MFHAS1: variants seen among roughly 807,000 people sequenced by gnomAD.
MFHAS1 encodes multifunctional ROCO family signaling regulator 1, also known as malignant fibrous histiocytoma-amplified sequence 1.
MFHAS1 carries 50 observed loss-of-function variants against 70.4 expected under a neutral mutation model. The ratio of observed to expected loss-of-function variants is 0.71; its 90% CI spans 0.57 to 0.90. The LOEUF (loss-of-function observed/expected upper bound fraction) is 0.90. Ranked by LOEUF, MFHAS1 falls within the 40% of genes least tolerant of loss-of-function variation. The probability of loss-of-function intolerance (pLI) is 0.00; values close to 1 mark genes in which losing one functional copy is unlikely to be tolerated. For missense variants in MFHAS1, 1,795 were observed against 1,347.6 expected, an observed-to-expected ratio of 1.33 and a Z score of -5.20; for synonymous variants, 952 against 620.0, an observed-to-expected ratio of 1.54 and a Z score of -7.96.
At chr8:8,800,281 G>C (rs1806043703) in intron 1 of MFHAS1, among the ~76,000 whole-genome samples, 1 of 152,218 alleles carries the variant, frequency 6.6e-6, no homozygotes, top group Non-Finnish European at 1.5e-5. Context: ...AGCATCATTA[G>C]CTTGTAGCAT....
At chr8:8,786,346 T>G (rs1223063318) in intron 2 of MFHAS1, among the ~76,000 whole-genome samples, 1 of 152,204 alleles carries the variant, frequency 6.6e-6, no homozygotes, top group African/African-American at 2.4e-5. Flanking sequence ...ACTGTAATTT[T>G]ATAGCTTAAC....
At chr8:8,862,525 A>C (rs552787039) in intron 1 of MFHAS1, among the ~76,000 whole-genome samples, 2 of 152,114 alleles carry the variant, frequency 1.3e-5, no homozygotes, top group Non-Finnish European at 2.9e-5. Flanking sequence ...TAAACTAAAA[A>C]ATTATTTAGT....
chr8:8,857,955 C>A (rs1808506570), intron 1 of MFHAS1, among the ~76,000 whole-genome samples: 1 of 152,120 alleles, frequency 6.6e-6, no homozygotes, highest in Admixed American at 6.6e-5. Context: ...TTTGGGGAAA[C>A]CTTTTTCTAA....
rs918086514 is a variant in MFHAS1, at chr8:8,890,069, G to C, written c.2990C>G (p.Ala997Gly). The stretch of plus-strand genomic sequence containing the variant: ...TCCCTCTCTCCACTTACCTGGAAAA[G>C]CATGTGGATTGGGCGATCCTCTCTT... Reference protein sequence around the residue: ...CLKRGSPNPHAFPGELLSQPR... With the variant: ...CLKRGSPNPHGFPGELLSQPR... The change falls in exon 1 of 3, where the codon GCT becomes GGT. Residue 997 changes from alanine (A) to glycine (G), a missense_variant. Ala to Gly is a moderately conservative substitution (Grantham distance 60). Coordinates refer to ENST00000276282, the MANE Select transcript of MFHAS1 (RefSeq NM_004225.3). 3.8e-6 allele frequency: 6 copies of C among 1,594,010 alleles called. No homozygotes were observed. The highest frequency in any genetic ancestry group is 5.1e-6 in the Non-Finnish European group (6 of 1,166,862).
At chr8:8,842,396 G>A (rs1356439751) in intron 1 of MFHAS1, among the ~76,000 whole-genome samples, 1 of 152,072 alleles carries the variant, frequency 6.6e-6, no homozygotes, top group Non-Finnish European at 1.5e-5. Context: ...ACGTTCACCA[G>A]GCTGATCTCG....
At chr8:8,862,296 T>C (rs1278638719) in intron 1 of MFHAS1, among the ~76,000 whole-genome samples, 1 of 152,174 alleles carries the variant, frequency 6.6e-6, no homozygotes, top group Admixed American at 6.5e-5. Context: ...GTTGACATCT[T>C]ATACTTACCT....
At chr8:8,807,036 G>T (rs554932777) in intron 1 of MFHAS1, among the ~76,000 whole-genome samples, 2 of 152,034 alleles carry the variant, frequency 1.3e-5, no homozygotes, top group Non-Finnish European at 2.9e-5. Flanking sequence ...TATGATGTTG[G>T]GGGTATAGAA....
chr8:8,815,861 TGAA>T (rs1330603034), intron 1 of MFHAS1, among the ~76,000 whole-genome samples: 3 of 152,178 alleles, frequency 2.0e-5, no homozygotes, highest in Non-Finnish European at 4.4e-5. Flanking sequence ...CAGCTTCATC[TGAA>T]GTAGTCAAAA....
chr8:8,823,132 T>C (rs1807029097), intron 1 of MFHAS1, among the ~76,000 whole-genome samples: 1 of 152,192 alleles, frequency 6.6e-6, no homozygotes. Context: ...ATCCTGACTT[T>C]CCTTTCAAAT....
chr8:8,848,517 G>C (rs978633533), intron 1 of MFHAS1, among the ~76,000 whole-genome samples: 4 of 152,178 alleles, frequency 2.6e-5, no homozygotes, highest in African/African-American at 9.7e-5. Context: ...AACGGCTCAG[G>C]CAGAACTCAA....
intron 1 of MFHAS1, among the ~76,000 whole-genome samples, chr8:8,803,574 T>C (rs1186407175): frequency 1.4e-5 from 2 of 143,576 alleles, no homozygotes; most frequent in African/African-American, 2.5e-5. Flanking sequence ...TGAACATGTA[T>C]AGACCTTTTT....
intron 1 of MFHAS1, among the ~76,000 whole-genome samples, chr8:8,815,586 G>A (rs1464654794): frequency 6.6e-6 from 1 of 152,126 alleles, no homozygotes; most frequent in Non-Finnish European, 1.5e-5. Context: ...GTATCTCATT[G>A]TGGTTTTGAT....
At chr8:8,823,160 C>A (rs1435080085) in intron 1 of MFHAS1, among the ~76,000 whole-genome samples, 1 of 152,196 alleles carries the variant, frequency 6.6e-6, no homozygotes, top group East Asian at 1.9e-4. Flanking sequence ...AGAGCTCTGA[C>A]TAGAACACAG....
In MFHAS1 at chr8:8,861,768, C is replaced by T. The variant is rs576746955; in HGVS notation, c.2998+28293G>A. 3.9e-5 allele frequency among the ~76,000 whole-genome samples: 6 copies of T among 152,320 alleles called. No homozygotes were observed. In the East Asian group the frequency reaches 5.8e-4, roughly 15 times the overall value. On this transcript the variant is annotated intron_variant, in intron 1 of 2. Coordinates refer to ENST00000276282, the MANE Select transcript of MFHAS1 (RefSeq NM_004225.3). ...ATACCACCGGCCCCAGACCTGCTTTCTGACAGTGTATCAGTTTTGCCTTTT... is the reference window on the plus strand; with the variant it reads ...ATACCACCGGCCCCAGACCTGCTTTTTGACAGTGTATCAGTTTTGCCTTTT...
chr8:8,865,924 T>C (rs1411159177), intron 1 of MFHAS1, among the ~76,000 whole-genome samples: 1 of 152,184 alleles, frequency 6.6e-6, no homozygotes, highest in African/African-American at 2.4e-5. Flanking sequence ...ATGACTGTCC[T>C]CCACACCTCT....
intron 2 of MFHAS1, among the ~76,000 whole-genome samples, chr8:8,792,639 C>A (rs1482529322): frequency 6.6e-6 from 1 of 152,068 alleles, no homozygotes; most frequent in Non-Finnish European, 1.5e-5. Context: ...CCAAAAAAAA[C>A]TTACTGACTG....
At position 8,892,379 on chromosome 8, in the gene MFHAS1, C is replaced by T. The variant is rs779474958; in HGVS notation, c.680G>A (p.Arg227His). ...RGLPEDISAL[R>H]ALKILWLSGA... ...ACTCAGCCAGAGGATCTTGAGGGCA[C>T]GCAGGGCACTGATATCCTCAGGCAG... Residue 227 changes from arginine to histidine, a missense_variant, in exon 1 of 3, where the codon CGT becomes CAT. Physicochemically the swap from Arg to His is conservative, Grantham distance 29. Transcript: ENST00000276282. This position sits in a 1 kb window ranked among gnomAD's most constrained non-coding sequence, Gnocchi z 4.7. 3 of 1,612,622 alleles carry T rather than the reference C, an allele frequency of 1.9e-6. No individual in the cohort carries two copies. Among genetic ancestry groups the T allele is most frequent in the Admixed American group, 1.7e-5 (1 of 59,998 alleles).
intron 1 of MFHAS1, among the ~76,000 whole-genome samples, chr8:8,834,462 T>C (rs904845543): frequency 1.6e-4 from 24 of 152,216 alleles, no homozygotes; most frequent in African/African-American, 5.5e-4. Context: ...AAGTGCACCA[T>C]TTTCTGTCTT....
At chr8:8,850,163 C>A (rs1808188764) in intron 1 of MFHAS1, among the ~76,000 whole-genome samples, 1 of 152,228 alleles carries the variant, frequency 6.6e-6, no homozygotes, top group Non-Finnish European at 1.5e-5. Flanking sequence ...AGCTATTAAA[C>A]TAGTTAACAT....
Sources: gnomAD v4.1 joint callset for allele counts (sites outside exome capture counted in the v4.1 genomes callset) on GRCh38, gnomAD v4.1.1 for gene constraint, Gnocchi (gnomAD v3.1) non-coding constraint, MANE v1.5 for transcripts, NCBI Gene and HGNC (gene_info 2026-07-23, HGNC 2026-07-21) for gene names.